PTPRD: variants seen among roughly 807,000 people sequenced by gnomAD.
PTPRD encodes receptor-type tyrosine-protein phosphatase delta.
PTPRD carries 34 observed loss-of-function variants against 214.5 expected under a neutral mutation model. The observed-to-expected ratio is 0.16, with a 90% CI of 0.12 to 0.21. PTPRD has a LOEUF of 0.21. PTPRD is among the 10% of genes least tolerant of loss of function. The probability of loss-of-function intolerance (pLI) is 1.00; values close to 1 mark genes in which losing one functional copy is unlikely to be tolerated. For synonymous variants in PTPRD, 1,128 were observed against 845.7 expected, an observed-to-expected ratio of 1.33 and a Z score of -5.79; for missense variants, 2,545 against 2,398.7, an observed-to-expected ratio of 1.06 and a Z score of -1.27.
At chr9:9,402,780 G>A (rs563751640) in intron 8 of PTPRD, among the ~76,000 whole-genome samples, 1 of 151,588 alleles carries the variant, frequency 6.6e-6, no homozygotes, top group East Asian at 1.9e-4. Flanking sequence ...TCAGAAAAAT[G>A]AAATAATTGA....
chr9:9,984,582 C>A (rs1399519620), intron 4 of PTPRD, among the ~76,000 whole-genome samples: 8 of 152,160 alleles, frequency 5.3e-5, no homozygotes, highest in African/African-American at 1.9e-4. Context: ...GGCCCCGTGG[C>A]TACCTTCTGG....
chr9:8,966,013 T>G (rs186888484), intron 11 of PTPRD, among the ~76,000 whole-genome samples: 1 of 152,022 alleles, frequency 6.6e-6, no homozygotes, highest in East Asian at 1.9e-4. Context: ...CTAAGAGAAA[T>G]CAAGAATACA....
chr9:8,570,190 G>T (rs574258929), intron 14 of PTPRD, among the ~76,000 whole-genome samples: 50 of 151,724 alleles, frequency 3.3e-4, no homozygotes, highest in Non-Finnish European at 5.6e-4. Context: ...TAAATAGGGA[G>T]ATTTTTATAT....
chr9:9,071,313 G>A (rs1391196381), intron 10 of PTPRD, among the ~76,000 whole-genome samples: 1 of 152,140 alleles, frequency 6.6e-6, no homozygotes, highest in African/African-American at 2.4e-5. Context: ...AAGGTGAAGG[G>A]CTATTGCAGA....
intron 7 of PTPRD, among the ~76,000 whole-genome samples, chr9:9,611,245 G>T (rs940465761): frequency 6.6e-6 from 1 of 152,080 alleles, no homozygotes; most frequent in African/African-American, 2.4e-5. Flanking sequence ...ATTTAATGAT[G>T]ACATATAAAT....
chr9:8,775,903 C>G (rs144880430), intron 11 of PTPRD, among the ~76,000 whole-genome samples: 264 of 151,974 alleles, frequency 1.7e-3, no homozygotes, highest in African/African-American at 5.9e-3. Context: ...ATATAAACTA[C>G]TATTCACATG....
At chr9:9,949,885 CA>C (rs965086335) in intron 4 of PTPRD, among the ~76,000 whole-genome samples, 3 of 152,144 alleles carry the variant, frequency 2.0e-5, no homozygotes, top group African/African-American at 7.2e-5. Flanking sequence ...GTTATTGAAT[CA>C]TGGCTCTTCT....
At chr9:8,432,021 A>G (rs1380221754) in intron 35 of PTPRD, among the ~76,000 whole-genome samples, 3 of 152,176 alleles carry the variant, frequency 2.0e-5, no homozygotes, top group East Asian at 1.9e-4. Flanking sequence ...TTATTGGTCT[A>G]TTCAGGGATT....
At chr9:10,558,348 TAA>T in intron 2 of PTPRD, among the ~76,000 whole-genome samples, 1 of 152,230 alleles carries the variant, frequency 6.6e-6, no homozygotes, top group Middle Eastern at 3.4e-3. Flanking sequence ...GAGGAAAAAA[TAA>T]TAAAAGTTTC....
intron 5 of PTPRD, among the ~76,000 whole-genome samples, chr9:9,808,478 A>G (rs986831388): frequency 6.6e-6 from 1 of 152,104 alleles, no homozygotes; most frequent in Non-Finnish European, 1.5e-5. Context: ...AAAAGACAAA[A>G]TATCACCACC....
chr9:8,513,661 G>T (rs1192134787), intron 21 of PTPRD, among the ~76,000 whole-genome samples: 1 of 151,940 alleles, frequency 6.6e-6, no homozygotes, highest in African/African-American at 2.4e-5. Context: ...TCTCATAATG[G>T]TTATCGTCCT....
At chr9:9,978,958 A>G (rs1257485179) in intron 4 of PTPRD, among the ~76,000 whole-genome samples, 2 of 152,102 alleles carry the variant, frequency 1.3e-5, no homozygotes, top group Non-Finnish European at 2.9e-5. Context: ...ATCAGAAATC[A>G]TACAAGCCAG....
intron 5 of PTPRD, among the ~76,000 whole-genome samples, chr9:9,820,113 T>C (rs1222392899): frequency 6.6e-6 from 1 of 152,178 alleles, no homozygotes; most frequent in Non-Finnish European, 1.5e-5. Flanking sequence ...CAACAGTGTA[T>C]AAGCATTCCC....
chr9:10,129,514 T>G (rs1369091090), intron 3 of PTPRD, among the ~76,000 whole-genome samples: 1 of 145,428 alleles, frequency 6.9e-6, no homozygotes, highest in Non-Finnish European at 1.5e-5. Flanking sequence ...TTTTTTTTTT[T>G]TTCTCACTTA....
At chr9:9,128,988 C>A (rs989588972) in intron 10 of PTPRD, among the ~76,000 whole-genome samples, 10 of 152,308 alleles carry the variant, frequency 6.6e-5, no homozygotes, top group African/African-American at 2.2e-4. Flanking sequence ...ATAGAAGATT[C>A]TATTTGGGAA....
intron 10 of PTPRD, among the ~76,000 whole-genome samples, chr9:9,125,763 T>C (rs140547934): frequency 1.2e-3 from 176 of 152,234 alleles, no homozygotes; most frequent in African/African-American, 3.7e-3. Context: ...CATGCCCTCA[T>C]AGAACTATAT....
At chr9:9,216,230 C>T (rs1182521618) in intron 9 of PTPRD, among the ~76,000 whole-genome samples, 1 of 152,102 alleles carries the variant, frequency 6.6e-6, no homozygotes, top group Non-Finnish European at 1.5e-5. Context: ...TTACTCAGTA[C>T]TGTACAATGC....
At chr9:9,143,109 T>G (rs1453534426) in intron 10 of PTPRD, among the ~76,000 whole-genome samples, 1 of 152,152 alleles carries the variant, frequency 6.6e-6, no homozygotes, top group East Asian at 1.9e-4. Flanking sequence ...GTCTTTCTAC[T>G]CCTCTCCCCT....
At chr9:9,540,718 G>T (rs1447423789) in intron 8 of PTPRD, among the ~76,000 whole-genome samples, 1 of 151,770 alleles carries the variant, frequency 6.6e-6, no homozygotes, top group Admixed American at 6.6e-5. Flanking sequence ...GTGACAGGAA[G>T]TTGAGATAAA....
Sources: allele counts gnomAD v4.1 joint callset (sites outside exome capture counted in the v4.1 genomes callset), GRCh38; gene constraint gnomAD v4.1.1; transcripts MANE v1.5; gene names NCBI Gene and HGNC (gene_info 2026-07-23, HGNC 2026-07-21).